ADAMTS6: variants seen among roughly 807,000 people sequenced by gnomAD.
ADAMTS6 encodes the protein ADAM metallopeptidase with thrombospondin type 1 motif 6, also known as A disintegrin and metalloproteinase with thrombospondin motifs 6.
In ADAMTS6, 23 loss-of-function variants were observed where a neutral mutation model predicts 144.3. The ratio of observed to expected loss-of-function variants is 0.16; its 90% confidence interval spans 0.11 to 0.23. The LOEUF is 0.23. Ranked by LOEUF, ADAMTS6 falls within the 10% of genes least tolerant of loss-of-function variation. ADAMTS6 has a pLI of 1.00. For missense variants in ADAMTS6, 999 were observed against 1,379.6 expected (o/e 0.72, Z 4.37); for synonymous variants, 444 against 457.5 (o/e 0.97, Z 0.38).
At chr5:65,162,080 A>G (rs1192718274) in intron 24 of ADAMTS6, among the ~76,000 whole-genome samples, 3 of 152,228 alleles carry the variant, frequency 2.0e-5, no homozygotes, top group Non-Finnish European at 4.4e-5. Context: ...CCTCAAATTA[A>G]CACGTATCCA....
intron 20 of ADAMTS6, among the ~76,000 whole-genome samples, chr5:65,197,971 C>T (rs1428460260): frequency 7.2e-5 from 11 of 152,124 alleles, no homozygotes; most frequent in Admixed American, 7.2e-4. Flanking sequence ...TATAAAGACA[C>T]ACACAAACAC....
At chr5:65,304,718 C>G (rs1364956487) in intron 9 of ADAMTS6, among the ~76,000 whole-genome samples, 1 of 152,024 alleles carries the variant, frequency 6.6e-6, no homozygotes, top group African/African-American at 2.4e-5. Context: ...GGCGTGAGCC[C>G]CCATATCTGG....
At chr5:65,194,710 TA>T (rs772492221) in intron 21 of ADAMTS6, among the ~76,000 whole-genome samples, 11 of 152,006 alleles carry the variant, frequency 7.2e-5, no homozygotes, top group South Asian at 4.1e-4. Flanking sequence ...TTTAGGTCTT[TA>T]AAAAAAACCC....
intron 7 of ADAMTS6, among the ~76,000 whole-genome samples, chr5:65,443,419 G>A (rs372839515): frequency 1.3e-4 from 19 of 151,948 alleles, no homozygotes; most frequent in African/African-American, 4.3e-4. Context: ...CCAAGAGTTT[G>A]AGACCAGCTT....
rs542446507 is a variant in ADAMTS6 at position 65,230,890 on chromosome 5, A to T, written c.1934-4671T>A. Among the ~76,000 whole-genome samples the T allele has an allele frequency of 2.4e-4, 35 of 145,554 alleles. No individual in the cohort carries two copies. In the East Asian group the frequency reaches 5.0e-3, roughly 21 times the overall value. ...AATACATATATATGAAATATATATA[A>T]AATACATATATATATGAAATCAAAG... On this transcript the variant is annotated intron_variant, in intron 15 of 24. Transcript: ENST00000381055.
At chr5:65,372,385 AG>A (rs1251250283) in intron 7 of ADAMTS6, among the ~76,000 whole-genome samples, 1 of 151,926 alleles carries the variant, frequency 6.6e-6, no homozygotes, top group African/African-American at 2.4e-5. Flanking sequence ...AGGCACACAT[AG>A]GCTCAAAATA....
intron 7 of ADAMTS6, 178 bp downstream of exon 7, chr5:65,451,297 G>C: frequency 1.8e-6 from 1 of 558,684 alleles, no homozygotes; most frequent in South Asian, 3.6e-5. Context: ...TTCTTATTTG[G>C]TTCATTTGAT....
chr5:65,459,751 G>A lies in ADAMTS6; in HGVS notation c.631+419C>T, dbSNP rs184000377. Among the ~76,000 whole-genome samples, 39 of 152,006 alleles carry A rather than the reference G, an allele frequency of 2.6e-4. No homozygotes were observed. The East Asian group carries it at 7.0e-3, about 27-fold the overall frequency. On this transcript the variant is annotated intron_variant, in intron 4 of 24. Transcript: ENST00000381055. ...TACTACATATTTCTATAGTATCCTC[G>A]CTCAGTGCTAACACTACTTTTGAAT...
At chr5:65,390,897 A>G (rs1394768925) in intron 7 of ADAMTS6, among the ~76,000 whole-genome samples, 1 of 151,046 alleles carries the variant, frequency 6.6e-6, no homozygotes, top group East Asian at 1.9e-4. Context: ...ATCTTCTACT[A>G]GTTTATTAAA....
At chr5:65,335,799 C>T (rs1255383578) in intron 7 of ADAMTS6, among the ~76,000 whole-genome samples, 2 of 151,972 alleles carry the variant, frequency 1.3e-5, no homozygotes, top group Non-Finnish European at 2.9e-5. Context: ...TATTTGTTAA[C>T]TACTATCATG....
At chr5:65,369,227 T>A (rs188009237) in intron 7 of ADAMTS6, among the ~76,000 whole-genome samples, 4 of 152,084 alleles carry the variant, frequency 2.6e-5, no homozygotes, top group African/African-American at 9.6e-5. Context: ...CAAACCCTAA[T>A]AACAAAAAAT....
At chr5:65,196,396 G>A (rs1004451099) in intron 21 of ADAMTS6, among the ~76,000 whole-genome samples, 5 of 151,656 alleles carry the variant, frequency 3.3e-5, no homozygotes, top group African/African-American at 9.7e-5. Context: ...GGTGGTGGGC[G>A]CCTGTAGTCC....
intron 7 of ADAMTS6, among the ~76,000 whole-genome samples, chr5:65,355,271 G>A (rs1328526203): frequency 1.3e-5 from 2 of 151,758 alleles, no homozygotes; most frequent in African/African-American, 4.8e-5. Flanking sequence ...GTTTTCCAAG[G>A]TGGTGACTTT....
chr5:65,461,093 CCTTA>C (rs1561563957), intron 3 of ADAMTS6, among the ~76,000 whole-genome samples: 1 of 152,120 alleles, frequency 6.6e-6, no homozygotes, highest in Non-Finnish European at 1.5e-5. Flanking sequence ...AAAGTTCTGC[CCTTA>C]CTTACAGTAT....
chr5:65,345,904 T>C (rs948294711), intron 7 of ADAMTS6, among the ~76,000 whole-genome samples: 1 of 151,912 alleles, frequency 6.6e-6, no homozygotes, highest in African/African-American at 2.4e-5. Flanking sequence ...TAGCTTATTA[T>C]TCCTAAAGAA....
rs921414701 is a variant in ADAMTS6 at position 65,389,152 on chromosome 5, T to C, written c.1074-55067A>G. On this transcript the variant is annotated intron_variant, in intron 7 of 24. Transcript: ENST00000381055. ...CCGGGAGGCGGAGCTTGCAGTGAGC[T>C]GAGATCGCGCCACTGCACTCCAGCC... Among the ~76,000 whole-genome samples, 4 of 151,362 alleles carry C rather than the reference T, an allele frequency of 2.6e-5. No homozygotes were observed. In the South Asian group the frequency reaches 8.3e-4, roughly 31 times the overall value.
At position 65,171,040 on chromosome 5, in the gene ADAMTS6, C is replaced by T. The variant is rs921289455; in HGVS notation, c.3088-267G>A. ...TTTTTTTTTTTTTGAGACAGAGTCT[C>T]GCTCTGTCGCTCAGGCTGGAGTGCA... On this transcript the variant is annotated intron_variant, in intron 23 of 24. Coordinates refer to ENST00000381055, the MANE Select transcript of ADAMTS6 (RefSeq NM_197941.4). Among the ~76,000 whole-genome samples the T allele has an allele frequency of 9.3e-5, 14 of 150,702 alleles. No individual in the cohort carries two copies. In the East Asian group the frequency reaches 2.0e-3, roughly 21 times the overall value.
chr5:65,284,639 C>G (rs1036195939), intron 11 of ADAMTS6, among the ~76,000 whole-genome samples: 2 of 152,058 alleles, frequency 1.3e-5, no homozygotes, highest in African/African-American at 2.4e-5. Context: ...AAATATGGCA[C>G]TCAACCACTT....
chr5:65,309,039 A>C (rs566913530), intron 9 of ADAMTS6, among the ~76,000 whole-genome samples: 1 of 152,246 alleles, frequency 6.6e-6, no homozygotes, highest in South Asian at 2.1e-4. Context: ...TGTGTGATAT[A>C]ACAGTGGTCC....
Sources: gnomAD v4.1 joint callset for allele counts (sites outside exome capture counted in the v4.1 genomes callset) on GRCh38, gnomAD v4.1.1 for gene constraint, MANE v1.5 for transcripts, NCBI Gene and HGNC (gene_info 2026-07-23, HGNC 2026-07-21) for gene names.